GTF2A1L: variants seen among roughly 807,000 people sequenced by gnomAD.
GTF2A1L encodes the protein TFIIA-alpha and beta-like factor.
Under a neutral mutation model 49.7 loss-of-function variants are expected in GTF2A1L, and 48 were observed. The observed-to-expected ratio is 0.97, with a 90% CI of 0.77 to 1.23. The LOEUF (loss-of-function observed/expected upper bound fraction) is 1.23. Among genes scored for constraint, GTF2A1L ranks in the 50% most tolerant of loss-of-function variants. GTF2A1L has a pLI of 0.00. For missense variants in GTF2A1L, 736 were observed against 564.8 expected (o/e 1.30, Z -3.07); for synonymous variants, 246 against 193.5 (o/e 1.27, Z -2.25).
At chr2:48,676,747 C>G (rs1298934585) in intron 8 of GTF2A1L, among the ~76,000 whole-genome samples, 1 of 151,412 alleles carries the variant, frequency 6.6e-6, no homozygotes, top group Non-Finnish European at 1.5e-5. Flanking sequence ...ATAAAAAGTT[C>G]TTTCTTACCT....
chr2:48,620,783 A>G (rs770420356), intron 1 of GTF2A1L, 68 bp from the exon 2 acceptor site: 24 of 413,780 alleles, frequency 5.8e-5, no homozygotes, highest in Non-Finnish European at 6.5e-5. Context: ...TCTCAAGAAT[A>G]AATAAATAAA....
intron 6 of GTF2A1L, among the ~76,000 whole-genome samples, chr2:48,654,622 G>A (rs1171122738): frequency 2.0e-5 from 3 of 152,174 alleles, no homozygotes; most frequent in Admixed American, 2.0e-4. Flanking sequence ...GACCTCAGGT[G>A]ATCCCCCTGC....
chr2:48,634,761 T>C (rs1676789292), intron 3 of GTF2A1L, among the ~76,000 whole-genome samples: 1 of 152,228 alleles, frequency 6.6e-6, no homozygotes, highest in South Asian at 2.1e-4. Flanking sequence ...TGCTGAGAAG[T>C]CTGCTTTTAG....
At chr2:48,643,693 A>ATTT (rs71399070) in intron 4 of GTF2A1L, among the ~76,000 whole-genome samples, 96 of 120,746 alleles carry the variant, frequency 8.0e-4, no homozygotes, top group Non-Finnish European at 1.1e-3. Flanking sequence ...TATTAATACA[A>ATTT]TTTTTTTTTT....
intron 3 of GTF2A1L, among the ~76,000 whole-genome samples, chr2:48,632,140 G>T (rs1371642620): frequency 6.6e-6 from 1 of 152,074 alleles, no homozygotes; most frequent in African/African-American, 2.4e-5. Context: ...TGTGAGCGTG[G>T]TCTCTTCCTT....
chr2:48,669,405 G>C (rs1679044673), intron 6 of GTF2A1L, among the ~76,000 whole-genome samples: 1 of 152,104 alleles, frequency 6.6e-6, no homozygotes, highest in South Asian at 2.1e-4. Flanking sequence ...AAATGAAATA[G>C]TTAAATCCTA....
intron 3 of GTF2A1L, among the ~76,000 whole-genome samples, chr2:48,639,143 G>T (rs10865232): frequency 0.96 from 145,899 of 152,316 alleles, 69,935 homozygotes; most frequent in East Asian, 0.99. Flanking sequence ...ATGTACAGAT[G>T]CAATGCTATT....
rs114322401 is a variant in GTF2A1L, at chr2:48,661,990, C to T, written c.979-7732C>T. 8.1e-3 allele frequency among the ~76,000 whole-genome samples: 1,236 copies of T among 152,202 alleles called. 19 individuals are homozygous for T. Among genetic ancestry groups the T allele is most frequent in the African/African-American group, 0.029 (1,194 of 41,528 alleles). ...CTGTGATTTCCTCCTTTATTACCTT[C>T]CTTTGTGTTTAATTGATTTTTGGTT... On this transcript the variant is annotated intron_variant, in intron 6 of 8. Transcript: ENST00000403751.
At position 48,627,753 on chromosome 2, in the gene GTF2A1L, A is replaced by C; in HGVS notation, c.247+6463A>C. On this transcript the variant is annotated intron_variant, in intron 3 of 8. Coordinates refer to ENST00000403751, the MANE Select transcript of GTF2A1L (RefSeq NM_006872.5). Reference sequence around the variant, plus strand: ...CAACTTTTATTCTAGATTCAGGGGTACACAGGCAGGTTTGTTACATGGGTA... The same window carrying C: ...CAACTTTTATTCTAGATTCAGGGGTCCACAGGCAGGTTTGTTACATGGGTA... Among the ~76,000 whole-genome samples the C allele has an allele frequency of 1.4e-5, 2 of 143,320 alleles. 1 individual carries two copies. The highest frequency in any genetic ancestry group is 3.1e-5 in the Non-Finnish European group (2 of 63,694). The allele number at this position is 143,320 out of a possible 152,430, so 94.0% of individuals were successfully genotyped here.
chr2:48,638,316 A>G (rs1417728800), intron 3 of GTF2A1L, among the ~76,000 whole-genome samples: 1 of 152,222 alleles, frequency 6.6e-6, no homozygotes, highest in African/African-American at 2.4e-5. Flanking sequence ...ACATCACTGC[A>G]AAAATCCTTA....
chr2:48,653,310 T>C (rs1410497968), intron 6 of GTF2A1L, among the ~76,000 whole-genome samples: 1 of 152,106 alleles, frequency 6.6e-6, no homozygotes, highest in African/African-American at 2.4e-5. Context: ...AGGTAGCTTT[T>C]AGATTTACCA....
At chr2:48,625,978 T>A (rs1291892479) in intron 3 of GTF2A1L, among the ~76,000 whole-genome samples, 1 of 144,356 alleles carries the variant, frequency 6.9e-6, no homozygotes, top group Non-Finnish European at 1.6e-5. Flanking sequence ...TGTGTTTTTG[T>A]CTTGGAGTTT....
intron 8 of GTF2A1L, among the ~76,000 whole-genome samples, chr2:48,672,335 G>A (rs1679218052): frequency 6.6e-6 from 1 of 152,146 alleles, no homozygotes; most frequent in African/African-American, 2.4e-5. Context: ...AGTGAAGCTG[G>A]GTGGGAGACA....
At chr2:48,678,518 C>G (rs1274821056) in intron 8 of GTF2A1L, among the ~76,000 whole-genome samples, 10 of 152,036 alleles carry the variant, frequency 6.6e-5, no homozygotes, top group Non-Finnish European at 1.0e-4. Flanking sequence ...AAATTTTACT[C>G]TTGATCTCAG....
chr2:48,657,850 G>A (rs1362664962), intron 6 of GTF2A1L, among the ~76,000 whole-genome samples: 2 of 151,802 alleles, frequency 1.3e-5, no homozygotes, highest in Non-Finnish European at 2.9e-5. Flanking sequence ...TTTCTCTGAT[G>A]ATTAGTGATG....
intron 6 of GTF2A1L, among the ~76,000 whole-genome samples, chr2:48,661,864 C>G (rs1678519811): frequency 6.6e-6 from 1 of 152,030 alleles, no homozygotes; most frequent in Non-Finnish European, 1.5e-5. Context: ...TAAACTATGT[C>G]TTTTGATTGG....
chr2:48,660,193 ATT>A (rs1678409399), intron 6 of GTF2A1L, among the ~76,000 whole-genome samples: 1 of 152,084 alleles, frequency 6.6e-6, no homozygotes, highest in Non-Finnish European at 1.5e-5. Context: ...ATTTGCCAGT[ATT>A]TTGTTGAGGA....
chr2:48,650,721 C>T (rs1677798256), intron 6 of GTF2A1L, among the ~76,000 whole-genome samples: 1 of 152,026 alleles, frequency 6.6e-6, no homozygotes, highest in Non-Finnish European at 1.5e-5. Context: ...TTTTTTATAT[C>T]TGTCAAAATA....
chr2:48,620,378 A>G (rs899760021), intron 1 of GTF2A1L, among the ~76,000 whole-genome samples: 2 of 152,226 alleles, frequency 1.3e-5, no homozygotes. Context: ...CTAAGACTAT[A>G]TTGGGAATAG....
Sources: gnomAD v4.1 joint callset for allele counts (sites outside exome capture counted in the v4.1 genomes callset) on GRCh38, gnomAD v4.1.1 for gene constraint, MANE v1.5 for transcripts, NCBI Gene and HGNC (gene_info 2026-07-23, HGNC 2026-07-21) for gene names.